Variants in ANAPC10 observed in about 807,000 individuals in gnomAD.
The protein encoded by ANAPC10 is anaphase promoting complex subunit 10.
In ANAPC10, 12 loss-of-function variants were observed where a neutral mutation model predicts 22.0. The observed-to-expected ratio is 0.55, with a 90% CI of 0.35 to 0.88. The LOEUF is 0.88. Among genes scored for constraint, ANAPC10 ranks in the 40% least tolerant of loss-of-function variants. ANAPC10 has a pLI of 0.01. For synonymous variants in ANAPC10, 65 were observed against 69.5 expected, an observed-to-expected ratio of 0.94 and a Z score of 0.32; for missense variants, 188 against 220.9, an observed-to-expected ratio of 0.85 and a Z score of 0.94.
chr4:145,026,844 A>G (rs1337130241), intron 4 of ANAPC10, among the ~76,000 whole-genome samples: 1 of 146,684 alleles, frequency 6.8e-6, no homozygotes, highest in Non-Finnish European at 1.5e-5. Flanking sequence ...ACAGAATGTT[A>G]ATTTTTAAAA....
At chr4:145,001,885 A>G (rs1732625572) in intron 4 of ANAPC10, among the ~76,000 whole-genome samples, 3 of 152,170 alleles carry the variant, frequency 2.0e-5, no homozygotes, top group Admixed American at 1.3e-4. Context: ...GCACTGATTT[A>G]CAGTATTAAC....
intron 3 of ANAPC10, among the ~76,000 whole-genome samples, chr4:145,073,481 T>A (rs1744772139): frequency 6.6e-6 from 1 of 152,142 alleles, no homozygotes; most frequent in African/African-American, 2.4e-5. Context: ...GGGAGGAGGG[T>A]AAATAAACTA....
At position 144,995,552 on chromosome 4, in the gene ANAPC10, T is replaced by A. The variant is rs769201897; in HGVS notation, c.379A>T (p.Asn127Tyr). The change falls in exon 5 of 5, where the codon AAT (asparagine) becomes TAT (tyrosine). Residue 127 changes from asparagine to tyrosine, a missense_variant. Transcript: ENST00000507656. ...AATGTACGAGTTGGCTTCTTATGATTGTCAGTTAAGGGAACATGAATCCAG... is the reference window on the plus strand; with the variant it reads ...AATGTACGAGTTGGCTTCTTATGATAGTCAGTTAAGGGAACATGAATCCAG... Reference protein sequence around the residue: ...SGWIHVPLTDNHKKPTRTFMI... With the variant: ...SGWIHVPLTDYHKKPTRTFMI... The A allele has an allele frequency of 6.2e-7, 1 of 1,613,830 alleles. No homozygotes were observed.
chr4:145,008,872 T>C (rs1733842446), intron 4 of ANAPC10, among the ~76,000 whole-genome samples: 1 of 152,072 alleles, frequency 6.6e-6, no homozygotes, highest in African/African-American at 2.4e-5. Context: ...TAAAGGGCAT[T>C]CAATTACGAA....
At chr4:145,045,481 G>A (rs1003903150) in intron 4 of ANAPC10, among the ~76,000 whole-genome samples, 1 of 152,018 alleles carries the variant, frequency 6.6e-6, no homozygotes, top group Non-Finnish European at 1.5e-5. Flanking sequence ...ATCTCCCCAT[G>A]TCATCTTGTA....
In ANAPC10 at chr4:144,995,075, T is replaced by G. The variant is rs538662764; in HGVS notation, c.*298A>C. ...ATTATAATTGTGTATATACTGAAATTTTCAGTTCAACTCTTTTCTTTTGAT... is the reference window on the plus strand; with the variant it reads ...ATTATAATTGTGTATATACTGAAATGTTCAGTTCAACTCTTTTCTTTTGAT... On this transcript the variant is annotated 3_prime_UTR_variant, in exon 5 of 5. Coordinates refer to ENST00000507656, the MANE Select transcript of ANAPC10 (RefSeq NM_001256706.2). 2.4e-5 allele frequency: 5 copies of G among 205,920 alleles called. No individual in the cohort carries two copies. The East Asian group carries it at 4.9e-4, about 20-fold the overall frequency. 12.8% of individuals were successfully genotyped at this position (205,920 alleles called of 1,614,324 possible).
chr4:145,037,709 G>A (rs1253603572), intron 4 of ANAPC10, among the ~76,000 whole-genome samples: 1 of 152,050 alleles, frequency 6.6e-6, no homozygotes, highest in Admixed American at 6.6e-5. Flanking sequence ...GTCTTTCGGA[G>A]GCCAAGGCAG....
intron 3 of ANAPC10, among the ~76,000 whole-genome samples, chr4:145,075,756 C>G (rs1579118236): frequency 1.3e-5 from 2 of 152,310 alleles, no homozygotes; most frequent in Non-Finnish European, 2.9e-5. Flanking sequence ...GCATCTGAAC[C>G]AGCAGGGAGT....
intron 4 of ANAPC10, among the ~76,000 whole-genome samples, chr4:145,026,329 C>T (rs1297267402): frequency 1.3e-5 from 2 of 152,064 alleles, no homozygotes; most frequent in Non-Finnish European, 2.9e-5. Context: ...AGAACAACAA[C>T]AAAATCCCTG....
intron 3 of ANAPC10, among the ~76,000 whole-genome samples, chr4:145,077,857 T>C (rs945072825): frequency 6.6e-6 from 1 of 152,106 alleles, no homozygotes; most frequent in Non-Finnish European, 1.5e-5. Context: ...AAACTAGGCA[T>C]TGAAGGATCA....
At chr4:145,076,157 C>T (rs1399571687) in intron 3 of ANAPC10, among the ~76,000 whole-genome samples, 1 of 152,238 alleles carries the variant, frequency 6.6e-6, no homozygotes, top group Non-Finnish European at 1.5e-5. Flanking sequence ...CATTTGCCCA[C>T]AGACTTCCCC....
At chr4:145,064,813 A>G (rs973149618) in intron 3 of ANAPC10, 121 bp from the exon 4 acceptor site, 2 of 830,600 alleles carry the variant, frequency 2.4e-6, no homozygotes, top group African/African-American at 3.5e-5. Flanking sequence ...CAACATTTTC[A>G]TATCTTTTAA....
intron 4 of ANAPC10, among the ~76,000 whole-genome samples, chr4:145,028,305 C>T (rs1181741144): frequency 6.6e-6 from 1 of 152,088 alleles, no homozygotes; most frequent in East Asian, 1.9e-4. Flanking sequence ...CGAGCCTAGC[C>T]TCCCAGCCTG....
intron 4 of ANAPC10, among the ~76,000 whole-genome samples, chr4:145,017,125 T>C (rs1402556583): frequency 6.6e-6 from 1 of 152,026 alleles, no homozygotes; most frequent in African/African-American, 2.4e-5. Flanking sequence ...ACAAATGGGA[T>C]CTAATTAAAC....
intron 4 of ANAPC10, among the ~76,000 whole-genome samples, chr4:145,027,033 T>C (rs867766792): frequency 1.4e-4 from 16 of 114,818 alleles, no homozygotes; most frequent in African/African-American, 5.2e-4. Context: ...AGACAGAGTC[T>C]TACTCTGTCT....
intron 3 of ANAPC10, among the ~76,000 whole-genome samples, chr4:145,067,568 T>G (rs986977067): frequency 2.0e-5 from 3 of 152,222 alleles, no homozygotes; most frequent in African/African-American, 7.2e-5. Context: ...TGGGTAAGAC[T>G]GTTTAATTCT....
chr4:145,035,960 G>A (rs1406796110), intron 4 of ANAPC10, among the ~76,000 whole-genome samples: 1 of 152,102 alleles, frequency 6.6e-6, no homozygotes, highest in Non-Finnish European at 1.5e-5. Flanking sequence ...GAAAAAATGT[G>A]GAACTGAGAG....
intron 4 of ANAPC10, among the ~76,000 whole-genome samples, chr4:145,009,542 G>T (rs1221873086): frequency 6.6e-6 from 1 of 152,070 alleles, no homozygotes; most frequent in Non-Finnish European, 1.5e-5. Context: ...TCTGATGTTT[G>T]ACAAACCTGA....
intron 4 of ANAPC10, among the ~76,000 whole-genome samples, chr4:145,058,066 T>C (rs1742329164): frequency 6.6e-6 from 1 of 152,230 alleles, no homozygotes; most frequent in Non-Finnish European, 1.5e-5. Context: ...AATCTGACTA[T>C]ACATTTTCAC....
Sources: allele counts gnomAD v4.1 joint callset (sites outside exome capture counted in the v4.1 genomes callset), GRCh38; gene constraint gnomAD v4.1.1; transcripts MANE v1.5; gene names NCBI Gene and HGNC (gene_info 2026-07-23, HGNC 2026-07-21).